ZNF385D: variants seen among roughly 807,000 people sequenced by gnomAD.
ZNF385D encodes the protein zinc finger protein 659.
Under a neutral mutation model 35.8 loss-of-function variants are expected in ZNF385D, and 15 were observed. The ratio of observed to expected loss-of-function variants is 0.42; its 90% CI spans 0.28 to 0.64. The LOEUF (loss-of-function observed/expected upper bound fraction) is 0.64. ZNF385D is among the 30% of genes least tolerant of loss of function. The pLI, the probability that ZNF385D is intolerant of heterozygous loss-of-function variation, is 0.23. For missense variants in ZNF385D, 474 were observed against 494.6 expected (o/e 0.96, Z 0.39); for synonymous variants, 212 against 186.8 (o/e 1.13, Z -1.10).
chr3:22,311,452 G>GC (rs1277280227), intron 2 of ZNF385D, among the ~76,000 whole-genome samples: 6 of 151,876 alleles, frequency 4.0e-5, no homozygotes, highest in Admixed American at 2.6e-4. Context: ...TCCTAGTACA[G>GC]CAAGTCTCAC....
At chr3:21,764,932 C>G (rs2070763278) in intron 3 of ZNF385D, among the ~76,000 whole-genome samples, 1 of 152,098 alleles carries the variant, frequency 6.6e-6, no homozygotes, top group Non-Finnish European at 1.5e-5. Flanking sequence ...TGAATAATTT[C>G]TGTCACATTA....
At chr3:21,426,277 C>T (rs959662229) in intron 5 of ZNF385D, among the ~76,000 whole-genome samples, 2 of 152,062 alleles carry the variant, frequency 1.3e-5, no homozygotes, top group Non-Finnish European at 2.9e-5. Context: ...ATAGTGAAGC[C>T]CACACAGGTG....
upstream of ZNF385D, among the ~76,000 whole-genome samples, chr3:21,754,948 G>A (rs183260757): frequency 4.7e-4 from 72 of 152,298 alleles, no homozygotes; most frequent in African/African-American, 1.5e-3. Flanking sequence ...TCAGTTCTTT[G>A]AGGTTGGTTG....
intron 3 of ZNF385D, among the ~76,000 whole-genome samples, chr3:21,558,145 C>CTCTA (rs2062808915): frequency 7.6e-6 from 1 of 131,028 alleles, no homozygotes; most frequent in East Asian, 2.2e-4. Flanking sequence ...TTTTTCATGT[C>CTCTA]TCTATCTCCT....
intron 2 of ZNF385D, among the ~76,000 whole-genome samples, chr3:22,248,345 A>G (rs1376497203): frequency 6.6e-6 from 1 of 152,170 alleles, no homozygotes; most frequent in Non-Finnish European, 1.5e-5. Context: ...CCTTTATTCA[A>G]CAAACATTTA....
chr3:21,506,299 G>T (rs1024554591), intron 4 of ZNF385D, among the ~76,000 whole-genome samples: 1 of 152,062 alleles, frequency 6.6e-6, no homozygotes, highest in Non-Finnish European at 1.5e-5. Flanking sequence ...CCTAGTCCTG[G>T]AGTTAAATTA....
rs561301444 is a variant in ZNF385D, at chr3:21,759,868, T to C, written c.326-94840A>G. 2.6e-5 allele frequency among the ~76,000 whole-genome samples: 4 copies of C among 152,314 alleles called. No homozygotes were observed. In the South Asian group the frequency reaches 6.2e-4, roughly 24 times the overall value. On this transcript the variant is annotated intron_variant, in intron 3 of 5. Coordinates refer to the ZNF385D transcript ENST00000494108. The stretch of plus-strand genomic sequence containing the variant: ...TTAGGTCATGAACATTCCATTTTTA[T>C]ATATACTGTGATAACAACTATCTAG...
intron 3 of ZNF385D, among the ~76,000 whole-genome samples, chr3:22,142,998 T>C (rs1704610261): frequency 6.6e-6 from 1 of 150,940 alleles, no homozygotes; most frequent in Non-Finnish European, 1.5e-5. Context: ...TCCTCTGGGG[T>C]CATGAATGAC....
intron 3 of ZNF385D, among the ~76,000 whole-genome samples, chr3:22,029,551 G>T (rs1559315659): frequency 6.6e-6 from 1 of 152,190 alleles, no homozygotes; most frequent in Non-Finnish European, 1.5e-5. Flanking sequence ...GACCAGCTAT[G>T]GAAACGAGGA....
intron 1 of ZNF385D, among the ~76,000 whole-genome samples, chr3:21,694,614 G>A (rs2067406790): frequency 6.6e-6 from 1 of 152,184 alleles, no homozygotes; most frequent in African/African-American, 2.4e-5. Flanking sequence ...TCAGAATTAT[G>A]GTGAACTATG....
chr3:22,369,582 T>TC (rs1696808066), intron 2 of ZNF385D, among the ~76,000 whole-genome samples: 1 of 152,144 alleles, frequency 6.6e-6, no homozygotes, highest in Non-Finnish European at 1.5e-5. Context: ...ATCGTTAATT[T>TC]CCCCAAGATT....
chr3:21,805,500 C>T (rs898749900), intron 3 of ZNF385D, among the ~76,000 whole-genome samples: 1 of 152,136 alleles, frequency 6.6e-6, no homozygotes, highest in Non-Finnish European at 1.5e-5. Flanking sequence ...TCTAACACTT[C>T]CCTTGTGATT....
intron 3 of ZNF385D, among the ~76,000 whole-genome samples, chr3:21,781,840 A>T (rs113751798): frequency 1.9e-5 from 1 of 52,866 alleles, no homozygotes; most frequent in African/African-American, 5.7e-5. Context: ...TGAATCAAAT[A>T]ATTGACCACT....
chr3:21,495,327 G>A (rs957021919), intron 4 of ZNF385D, among the ~76,000 whole-genome samples: 19 of 151,788 alleles, frequency 1.3e-4, no homozygotes, highest in African/African-American at 4.3e-4. Flanking sequence ...AGCTGGCAGA[G>A]AAATAGAAAG....
At chr3:21,680,560 T>C (rs1031819910) in intron 1 of ZNF385D, among the ~76,000 whole-genome samples, 1 of 152,198 alleles carries the variant, frequency 6.6e-6, no homozygotes, top group African/African-American at 2.4e-5. Context: ...CCACATGTGA[T>C]GTTTAACTAA....
chr3:21,432,486 C>A (rs1701339160), intron 5 of ZNF385D, among the ~76,000 whole-genome samples: 1 of 152,042 alleles, frequency 6.6e-6, no homozygotes, highest in Non-Finnish European at 1.5e-5. Flanking sequence ...TGAGCTTTAA[C>A]TATAAACGAT....
rs1576237561 is a variant in ZNF385D, at chr3:22,057,871, T to A, written c.325+110946A>T. Among the ~76,000 whole-genome samples, 3 of 152,230 alleles carry A rather than the reference T, an allele frequency of 2.0e-5. No homozygotes were observed. In the South Asian group the frequency reaches 6.2e-4, roughly 32 times the overall value. ...ACCTCCATACCCTGGAAGCAGTAAA[T>A]GGACAAATAGGTAAATTGAAATAAA... On this transcript the variant is annotated intron_variant, in intron 3 of 5. Coordinates refer to the ZNF385D transcript ENST00000494108.
chr3:21,793,742 G>C (rs970974566), intron 3 of ZNF385D, among the ~76,000 whole-genome samples: 5 of 152,186 alleles, frequency 3.3e-5, no homozygotes, highest in African/African-American at 1.2e-4. Context: ...TCACTGCCCA[G>C]TGAAAGAAAA....
chr3:21,774,297 G>T (rs1415109702), intron 3 of ZNF385D, among the ~76,000 whole-genome samples: 3 of 150,690 alleles, frequency 2.0e-5, no homozygotes, highest in Non-Finnish European at 4.4e-5. Flanking sequence ...AGGAGGGAGA[G>T]CATCAGGGAG....
Sources: allele counts gnomAD v4.1 joint callset (sites outside exome capture counted in the v4.1 genomes callset), GRCh38; gene constraint gnomAD v4.1.1; transcripts MANE v1.5; gene names NCBI Gene and HGNC (gene_info 2026-07-23, HGNC 2026-07-21).